ZNF581: variants seen among roughly 807,000 people sequenced by gnomAD.
The protein encoded by ZNF581 is zinc finger protein 581.
Under a neutral mutation model 1.2 loss-of-function variants are expected in ZNF581, and 1 was observed. That is an observed-to-expected ratio of 0.83 (90% confidence interval 0.30 to 3.95). The LOEUF is 3.95. Among genes scored for constraint, ZNF581 ranks in the 30% most tolerant of loss-of-function variants. The pLI, the probability that ZNF581 is intolerant of heterozygous loss-of-function variation, is 0.18. For synonymous variants in ZNF581, 105 were observed against 109.2 expected, an observed-to-expected ratio of 0.96 and a Z score of 0.24; for missense variants, 273 against 274.6, an observed-to-expected ratio of 0.99 and a Z score of 0.04.
upstream of ZNF581, chr19:55,640,340 C>G (rs1982376633): frequency 1.0e-6 from 1 of 985,044 alleles, no homozygotes. Flanking sequence ...GCCCGCGAGC[C>G]CGCATCAGGC....
At chr19:55,635,670 A>C in exon 1 of ZNF581, 1 of 988,146 alleles carries the variant, frequency 1.0e-6, no homozygotes, top group Non-Finnish European at 1.2e-6. Flanking sequence ...TTTGAGGTGT[A>C]AATGGAGAAG....
upstream of ZNF581, among the ~76,000 whole-genome samples, chr19:55,638,135 G>A (rs937524580): frequency 3.3e-5 from 5 of 152,168 alleles, no homozygotes; most frequent in African/African-American, 7.2e-5. Flanking sequence ...TGCTTCTGGC[G>A]AGGGCTTCAG....
upstream of ZNF581, chr19:55,641,072 G>T (rs1269964763): frequency 1.0e-6 from 1 of 985,128 alleles, no homozygotes; most frequent in Non-Finnish European, 1.2e-6. Flanking sequence ...CGGCGCCGCC[G>T]GCCCGGAGCT....
Position 55,645,309 on chromosome 19 carries a change from C to A in ZNF581, c.*144C>A. ...GCCGCATCTCAAAGGCAGAGCCCTG[C>A]CTGAAGGAGGAATCCGTGAGTAATC... On this transcript the variant is annotated 3_prime_UTR_variant, in exon 2 of 2. Coordinates refer to ENST00000270451, the MANE Select transcript of ZNF581 (RefSeq NM_016535.4). 2 of 656,016 alleles carry A rather than the reference C, an allele frequency of 3.0e-6. No homozygotes were observed. Among genetic ancestry groups the A allele is most frequent in the Non-Finnish European group, 4.8e-6 (2 of 414,646 alleles). The allele number at this position is 656,016 out of a possible 1,614,324, so 40.6% of individuals were successfully genotyped here.
Position 55,644,192 on chromosome 19 carries a change from A to T in ZNF581, c.-19-361A>T, listed in dbSNP as rs1342144584. On this transcript the variant is annotated intron_variant, in intron 1 of 1. Coordinates refer to ENST00000270451, the MANE Select transcript of ZNF581 (RefSeq NM_016535.4). This position sits in a 1 kb window ranked among gnomAD's most constrained non-coding sequence, Gnocchi z 4.3. The stretch of plus-strand genomic sequence containing the variant: ...ATAGGCCAACACGCAGACCCTGGAA[A>T]GGGCTAGAAGGAGGGGAGGGAGAGG... Among the ~76,000 whole-genome samples, 1 of 143,254 alleles carries T rather than the reference A, an allele frequency of 7.0e-6. No homozygotes were observed. The highest frequency in any genetic ancestry group is 2.4e-4 in the East Asian group (1 of 4,164). The allele number at this position is 143,254 out of a possible 152,430, so 94.0% of individuals were successfully genotyped here.
At chr19:55,643,320 C>A (rs1404617097), upstream of ZNF581, 2 of 383,402 alleles carry the variant, frequency 5.2e-6, no homozygotes, top group Non-Finnish European at 9.6e-6. Flanking sequence ...CCTCTCTAAA[C>A]CTTGGTTTTC....
upstream of ZNF581, chr19:55,640,208 A>T: frequency 1.0e-6 from 1 of 985,414 alleles, no homozygotes; most frequent in Middle Eastern, 5.2e-4. Flanking sequence ...AGCTGCCCCG[A>T]GTGCTGCCGC....
At position 55,644,647 on chromosome 19, in the gene ZNF581, C is replaced by G; in HGVS notation, c.76C>G (p.Arg26Gly). Reference sequence around the variant, plus strand: ...TGAGACCATGGAGGGCCCTCCCCGTCGGACTTGCCGCTCCCCAGAACCTGG... The same window carrying G: ...TGAGACCATGGAGGGCCCTCCCCGTGGGACTTGCCGCTCCCCAGAACCTGG... ...SVETMEGPPRRTCRSPEPGPS... is the reference protein window; with the variant it reads ...SVETMEGPPRGTCRSPEPGPS... Residue 26 changes from arginine (R) to glycine (G), a missense_variant, in exon 2 of 2, where the codon CGG becomes GGG. Coordinates refer to ENST00000270451, the MANE Select transcript of ZNF581 (RefSeq NM_016535.4). The surrounding 1 kb of genome is among the most constrained non-coding windows in gnomAD (Gnocchi z 4.3). 6.2e-7 allele frequency: 1 copy of G among 1,610,970 alleles called. No individual in the cohort carries two copies. The highest frequency in any genetic ancestry group is 8.5e-7 in the Non-Finnish European group (1 of 1,178,556).
upstream of ZNF581, among the ~76,000 whole-genome samples, chr19:55,637,817 A>C (rs909235927): frequency 4.6e-5 from 7 of 152,202 alleles, no homozygotes; most frequent in Non-Finnish European, 1.0e-4. Context: ...TCTGTAAAAC[A>C]GGGATCCTCA....
chr19:55,643,114 C>T (rs368625698), upstream of ZNF581: 6 of 1,305,122 alleles, frequency 4.6e-6, no homozygotes, highest in Non-Finnish European at 5.9e-6. Context: ...CACACACCCC[C>T]TGGCTCTGCT....
chr19:55,640,035 C>A (rs1982349573), upstream of ZNF581: 3 of 732,454 alleles, frequency 4.1e-6, no homozygotes, highest in Non-Finnish European at 1.7e-6. Flanking sequence ...GCAGAAAGTT[C>A]TGATGGACAG....
chr19:55,640,565 T>C (rs919989829), upstream of ZNF581: 10 of 985,356 alleles, frequency 1.0e-5, no homozygotes, highest in Non-Finnish European at 1.2e-5. Flanking sequence ...CGTCTGGCCT[T>C]CTCCGGGCCT....
At chr19:55,642,327 G>C (rs1210841660), upstream of ZNF581, 7 of 1,261,976 alleles carry the variant, frequency 5.5e-6, no homozygotes, top group African/African-American at 7.8e-5. Flanking sequence ...GAGGCAGCTT[G>C]ATGGAACGTG....
exon 1 of ZNF581, chr19:55,635,490 C>G (rs1229838894): frequency 5.6e-6 from 1 of 177,716 alleles, no homozygotes; most frequent in African/African-American, 2.4e-5. Flanking sequence ...GGGGGTCAAT[C>G]GGTCACTCCG....
chr19:55,641,003 C>A (rs1982424373), upstream of ZNF581: 1 of 985,290 alleles, frequency 1.0e-6, no homozygotes, highest in Non-Finnish European at 1.2e-6. Context: ...CCGGCCGGCG[C>A]CTTTTCCCAG....
At chr19:55,636,092 C>A (rs1048722879), upstream of ZNF581, among the ~76,000 whole-genome samples, 1 of 152,178 alleles carries the variant, frequency 6.6e-6, no homozygotes, top group Admixed American at 6.5e-5. Flanking sequence ...AAATTCTAGG[C>A]TGAGAAACTC....
At chr19:55,640,771 G>A, upstream of ZNF581, 1 of 985,496 alleles carries the variant, frequency 1.0e-6, no homozygotes. Context: ...TGGGCCTTAG[G>A]GCGAAGACGT....
At chr19:55,639,779 G>A (rs1982331002), upstream of ZNF581, among the ~76,000 whole-genome samples, 1 of 152,138 alleles carries the variant, frequency 6.6e-6, no homozygotes, top group South Asian at 2.1e-4. Context: ...ACTACGGCCG[G>A]CTAATTTTTG....
At chr19:55,643,100 C>T, upstream of ZNF581, 1 of 1,320,370 alleles carries the variant, frequency 7.6e-7, no homozygotes, top group Non-Finnish European at 9.7e-7. Context: ...GTCACTCACT[C>T]CCACACACAC....
Sources: gnomAD v4.1 joint callset for allele counts (sites outside exome capture counted in the v4.1 genomes callset) on GRCh38, gnomAD v4.1.1 for gene constraint, Gnocchi (gnomAD v3.1) non-coding constraint, MANE v1.5 for transcripts, NCBI Gene and HGNC (gene_info 2026-07-23, HGNC 2026-07-21) for gene names.